The following ACBD6 variants were observed in gnomAD, a reference collection of about 807,000 sequenced individuals.
ACBD6 encodes acyl-CoA binding domain containing 6.
In ACBD6, 28 loss-of-function variants were observed where a neutral mutation model predicts 37.2. The ratio of observed to expected loss-of-function variants is 0.75; its 90% CI spans 0.56 to 1.03. ACBD6 has a LOEUF of 1.03. Ranked by LOEUF, ACBD6 falls within the 50% of genes least tolerant of loss-of-function variation. ACBD6 has a pLI of 0.00. For missense variants in ACBD6, 340 were observed against 337.4 expected (o/e 1.01, Z -0.06); for synonymous variants, 113 against 126.8 (o/e 0.89, Z 0.73).
intron 2 of ACBD6, among the ~76,000 whole-genome samples, chr1:180,493,503 A>G (rs1651608044): frequency 2.0e-5 from 3 of 152,046 alleles, no homozygotes; most frequent in African/African-American, 7.2e-5. Context: ...ACAGAACTCA[A>G]TCCCACATTT....
intron 6 of ACBD6, among the ~76,000 whole-genome samples, chr1:180,339,517 C>G (rs1651890032): frequency 8.7e-6 from 1 of 115,230 alleles, no homozygotes; most frequent in Non-Finnish European, 1.8e-5. Flanking sequence ...AACATCACAC[C>G]CCGGGGCCTG....
chr1:180,437,294 C>T (rs754411674), intron 3 of ACBD6, among the ~76,000 whole-genome samples: 5 of 152,018 alleles, frequency 3.3e-5, no homozygotes, highest in East Asian at 3.9e-4. Flanking sequence ...TTCTGGAGAC[C>T]GGGGCTTGTG....
intron 5 of ACBD6, among the ~76,000 whole-genome samples, chr1:180,403,361 C>A (rs2101960023): frequency 6.6e-6 from 1 of 152,126 alleles, no homozygotes; most frequent in South Asian, 2.1e-4. Flanking sequence ...AAAAGAAAAA[C>A]CAAATACTGA....
chr1:180,386,129 C>G (rs1347480160), intron 6 of ACBD6, among the ~76,000 whole-genome samples: 1 of 152,160 alleles, frequency 6.6e-6, no homozygotes, highest in East Asian at 1.9e-4. Context: ...AAGATTGCAC[C>G]ACTGCACTCC....
At chr1:180,485,074 CAAAA>C (rs61286766) in intron 3 of ACBD6, among the ~76,000 whole-genome samples, 1 of 92,164 alleles carries the variant, frequency 1.1e-5, no homozygotes. Context: ...GACTCTGTCT[CAAAA>C]AAAAAAAAAA....
chr1:180,494,679 A>G (rs1229563059), intron 2 of ACBD6, among the ~76,000 whole-genome samples: 1 of 152,178 alleles, frequency 6.6e-6, no homozygotes, highest in Admixed American at 6.5e-5. Context: ...TCCTCTCTCT[A>G]TAACCATATT....
chr1:180,402,326 C>G (rs1206904442), intron 5 of ACBD6, among the ~76,000 whole-genome samples: 3 of 152,224 alleles, frequency 2.0e-5, no homozygotes, highest in African/African-American at 7.2e-5. Flanking sequence ...AAGATTATAC[C>G]TAGCATGGAA....
intron 3 of ACBD6, among the ~76,000 whole-genome samples, chr1:180,477,733 T>C (rs1041145020): frequency 2.0e-5 from 3 of 152,216 alleles, no homozygotes; most frequent in Non-Finnish European, 4.4e-5. Flanking sequence ...ATTTCTAGAT[T>C]ATTTCTTTTA....
At chr1:180,322,305 T>C (rs1164399466) in intron 6 of ACBD6, among the ~76,000 whole-genome samples, 1 of 152,118 alleles carries the variant, frequency 6.6e-6, no homozygotes, top group Non-Finnish European at 1.5e-5. Flanking sequence ...TCATCAGAGA[T>C]ACTGGCCTGT....
chr1:180,422,236 C>T (rs1321219590), intron 4 of ACBD6, among the ~76,000 whole-genome samples: 1 of 150,302 alleles, frequency 6.7e-6, no homozygotes, highest in Non-Finnish European at 1.5e-5. Context: ...GATGGAGTCT[C>T]GCTCTTTCAC....
intron 7 of ACBD6, among the ~76,000 whole-genome samples, chr1:180,289,963 T>C (rs1433173206): frequency 6.6e-6 from 1 of 152,170 alleles, no homozygotes; most frequent in African/African-American, 2.4e-5. Context: ...TCTCAAAGAT[T>C]ACCACTAGGG....
At chr1:180,476,511 A>G (rs946425890) in intron 3 of ACBD6, among the ~76,000 whole-genome samples, 4 of 152,238 alleles carry the variant, frequency 2.6e-5, no homozygotes, top group Non-Finnish European at 5.9e-5. Flanking sequence ...AGAAAATTTA[A>G]AAGTACAATT....
chr1:180,299,318 G>A (rs1650039963), intron 7 of ACBD6, among the ~76,000 whole-genome samples: 2 of 152,152 alleles, frequency 1.3e-5, no homozygotes, highest in South Asian at 4.1e-4. Flanking sequence ...CCAAATTAAT[G>A]AGGGGATATA....
intron 4 of ACBD6, among the ~76,000 whole-genome samples, chr1:180,429,535 T>C (rs1648728209): frequency 6.6e-6 from 1 of 152,184 alleles, no homozygotes; most frequent in Admixed American, 6.5e-5. Context: ...TTGGCTACTG[T>C]ATAGAATGCT....
rs1242474513 is a variant in ACBD6 at position 180,351,888 on chromosome 1, G to A, written c.664-37166C>T. ...ATCATATACAATAACCAAAAGGTGG[G>A]AACAATATGCATATCCATCAGCAGA... On this transcript the variant is annotated intron_variant, in intron 6 of 7. Transcript: ENST00000367595. Among the ~76,000 whole-genome samples the A allele has an allele frequency of 2.6e-5, 4 of 152,082 alleles. No homozygotes were observed. The East Asian group carries it at 7.7e-4, about 29-fold the overall frequency.
At chr1:180,500,598 A>G (rs988409365) in intron 1 of ACBD6, among the ~76,000 whole-genome samples, 2 of 151,444 alleles carry the variant, frequency 1.3e-5, no homozygotes, top group African/African-American at 4.9e-5. Context: ...GGAGGCTGGG[A>G]CAGGACAATC....
chr1:180,392,343 T>C (rs1654109303), intron 6 of ACBD6, among the ~76,000 whole-genome samples: 1 of 152,180 alleles, frequency 6.6e-6, no homozygotes, highest in African/African-American at 2.4e-5. Flanking sequence ...CCTCACTGAA[T>C]TTATTTTAGA....
In ACBD6 at chr1:180,370,935, T is replaced by G. The variant is rs368068368; in HGVS notation, c.663+26581A>C. Among the ~76,000 whole-genome samples the G allele has an allele frequency of 7.2e-5, 11 of 152,192 alleles. No homozygotes were observed. In the East Asian group the frequency reaches 1.5e-3, roughly 21 times the overall value. ...AGACAAATAAAGGGCAGAAACTGTT[T>G]AAAAAGAAAACATGCTGAAAAACAA... On this transcript the variant is annotated intron_variant, in intron 6 of 7. Coordinates refer to ENST00000367595, the MANE Select transcript of ACBD6 (RefSeq NM_032360.4).
At chr1:180,337,418 A>G (rs1166950871) in intron 6 of ACBD6, among the ~76,000 whole-genome samples, 2 of 152,216 alleles carry the variant, frequency 1.3e-5, no homozygotes, top group Non-Finnish European at 2.9e-5. Flanking sequence ...GATTATCTCA[A>G]TAGATGCAGA....
Sources: gnomAD v4.1 joint callset for allele counts (sites outside exome capture counted in the v4.1 genomes callset) on GRCh38, gnomAD v4.1.1 for gene constraint, MANE v1.5 for transcripts, NCBI Gene and HGNC (gene_info 2026-07-23, HGNC 2026-07-21) for gene names.